SUN1: variants seen among roughly 807,000 people sequenced by gnomAD.
The protein encoded by SUN1 is SUN domain-containing protein 1.
SUN1 carries 61 observed loss-of-function variants against 103.2 expected under a neutral mutation model. The ratio of observed to expected loss-of-function variants is 0.59; its 90% confidence interval spans 0.48 to 0.73. The LOEUF (loss-of-function observed/expected upper bound fraction) is 0.73, where lower values mean the gene tolerates loss of function less well. Ranked by LOEUF, SUN1 falls within the 30% of genes least tolerant of loss-of-function variation. SUN1 has a pLI of 0.00. For missense variants in SUN1, 1,052 were observed against 1,034.6 expected (o/e 1.02, Z -0.23); for synonymous variants, 490 against 425.7 (o/e 1.15, Z -1.86).
exon 1 of SUN1, chr7:816,671 C>T (rs1006464649): frequency 1.8e-5 from 4 of 226,028 alleles, no homozygotes; most frequent in Admixed American, 5.8e-5. Flanking sequence ...CGGCGCGAGG[C>T]AGGTGAGCTC....
At chr7:834,802 G>A (rs1801400095) in intron 1 of SUN1, among the ~76,000 whole-genome samples, 1 of 152,150 alleles carries the variant, frequency 6.6e-6, no homozygotes, top group Non-Finnish European at 1.5e-5. Flanking sequence ...GGGGCCAGGC[G>A]CAGTGGCTCA....
At chr7:835,158 C>CCGG (rs1479385690) in intron 1 of SUN1, among the ~76,000 whole-genome samples, 31 of 152,354 alleles carry the variant, frequency 2.0e-4, no homozygotes, top group East Asian at 7.7e-4. Context: ...AGCCCATTTG[C>CCGG]CGGCCACTGG....
chr7:819,647 T>C (rs1389788500), intron 1 of SUN1, among the ~76,000 whole-genome samples: 1 of 151,936 alleles, frequency 6.6e-6, no homozygotes, highest in Non-Finnish European at 1.5e-5. Flanking sequence ...ATTAGATGTG[T>C]GGGTTTATTT....
In SUN1 at chr7:838,909, C is replaced by T. The variant is rs764562577; in HGVS notation, c.189C>T (p.Cys63=). 13 of 1,611,268 alleles carry T rather than the reference C, an allele frequency of 8.1e-6. No homozygotes were observed. Among genetic ancestry groups the T allele is most frequent in the Non-Finnish European group, 1.1e-5 (13 of 1,179,268 alleles). ...GTTTGCGCCTGGCCACGACAGCATG[C>T]ACCCTGGGGGATGGTGAGGCTGTGG... ...RRSLRLATTA[C]TLGDGEAVGA... is the part of the protein sequence containing the mutation. Residue 63 remains cysteine, a synonymous_variant, in exon 2 of 19, where the codon TGC becomes TGT. Coordinates refer to ENST00000401592, the MANE Select transcript of SUN1 (RefSeq NM_001130965.3).
chr7:858,390 CTTT>C (rs10714763), intron 13 of SUN1, among the ~76,000 whole-genome samples: 63 of 150,324 alleles, frequency 4.2e-4, no homozygotes, highest in East Asian at 1.6e-3. Context: ...CCTTTAAAAA[CTTT>C]TTTTTTTTTT....
At position 840,874 on chromosome 7, in the gene SUN1, C is replaced by G. The variant is rs146321018; in HGVS notation, c.267-1072C>G. 9.6e-4 allele frequency among the ~76,000 whole-genome samples: 146 copies of G among 152,082 alleles called. 3 individuals carry two copies. Among genetic ancestry groups the G allele is most frequent in the African/African-American group, 3.3e-3 (138 of 41,472 alleles). On this transcript the variant is annotated intron_variant, in intron 2 of 18. Coordinates refer to ENST00000401592, the MANE Select transcript of SUN1 (RefSeq NM_001130965.3). The stretch of plus-strand genomic sequence containing the variant: ...GCCAGGATGGTCCCGATCTCCTGAC[C>G]TCGTGATCCACCTGTCTTGGTCTCC...
At chr7:849,258 A>G (rs1284975429) in intron 5 of SUN1, among the ~76,000 whole-genome samples, 1 of 152,222 alleles carries the variant, frequency 6.6e-6, no homozygotes, top group African/African-American at 2.4e-5. Context: ...CCAACCCAGA[A>G]CTATTTTAAG....
intron 14 of SUN1, among the ~76,000 whole-genome samples, chr7:860,694 A>T (rs1831483489): frequency 6.6e-6 from 1 of 152,190 alleles, no homozygotes; most frequent in South Asian, 2.1e-4. Context: ...CTGCAGTTCC[A>T]TGAAAGTCTC....
In SUN1 at chr7:852,943, G is replaced by T; in HGVS notation, c.1044G>T (p.Gln348His). The change falls in exon 9 of 19, where the codon CAG becomes CAT. Residue 348 changes from glutamine to histidine, a missense_variant. Physicochemically the swap from Gln to His is conservative, Grantham distance 24 (BLOSUM62 0). Coordinates refer to ENST00000401592, the MANE Select transcript of SUN1 (RefSeq NM_001130965.3). The stretch of plus-strand genomic sequence containing the variant: ...AACCCACGACTTCTCGCCTGAAGCA[G>T]CCTCTGCAGGTAAGAGGGTAGAAAG... ...VFKPTTSRLK[Q>H]PLQGDSEAFP... 1.2e-6 allele frequency: 2 copies of T among 1,612,612 alleles called. No individual in the cohort carries two copies. Among genetic ancestry groups the T allele is most frequent in the Non-Finnish European group, 1.7e-6 (2 of 1,179,498 alleles).
chr7:835,700 G>C (rs1204631104), intron 1 of SUN1, among the ~76,000 whole-genome samples: 2 of 152,314 alleles, frequency 1.3e-5, no homozygotes, highest in African/African-American at 2.4e-5. Context: ...GCTGTCTGAC[G>C]TGTCTCCTCT....
At position 857,831 on chromosome 7, in the gene SUN1, G is replaced by C. The variant is rs752157539; in HGVS notation, c.1398G>C (p.Ala466=). ...CATTCTCACTGTTGGATTCCAGTGCGGTTGGTGAGCAGCTCCTGCCCACAG... is the reference window on the plus strand; with the variant it reads ...CATTCTCACTGTTGGATTCCAGTGCCGTTGGTGAGCAGCTCCTGCCCACAG... ...LEQTKQKTIS[A]VGEQLLPTVE... The change falls in exon 13 of 19, where the codon GCG becomes GCC. Residue 466 remains alanine (A), a synonymous_variant. Transcript: ENST00000401592. 1 of 1,578,946 alleles carries C rather than the reference G, an allele frequency of 6.3e-7. No homozygotes were observed. The highest frequency in any genetic ancestry group is 1.1e-5 in the South Asian group (1 of 88,226).
intron 13 of SUN1, 41 bp from the exon 14 acceptor site, chr7:860,087 A>G: frequency 6.2e-7 from 1 of 1,605,550 alleles, no homozygotes; most frequent in Non-Finnish European, 8.5e-7. Flanking sequence ...GAAGTGATTT[A>G]GTTAAAATAG....
rs912678292 is a variant in SUN1, at chr7:842,072, G to C, written c.393G>C (p.Arg131=). The change falls in exon 3 of 19, where the codon CGG becomes CGC. Residue 131 remains arginine (R), a synonymous_variant. Coordinates refer to ENST00000401592, the MANE Select transcript of SUN1 (RefSeq NM_001130965.3). The part of the protein sequence containing the change: ...TVSLQDAVTR[R]PPVLDESWIR... ...GCCTGCAGGATGCTGTGACTCGACG[G>C]CCTCCTGTATTGGACGAGTCTTGGA... is the stretch of plus-strand genomic sequence containing the variant. The C allele has an allele frequency of 1.9e-6, 3 of 1,614,242 alleles. No individual in the cohort carries two copies. Among genetic ancestry groups the C allele is most frequent in the Non-Finnish European group, 2.5e-6 (3 of 1,180,042 alleles).
At chr7:864,276 A>AGT (rs1834512980) in intron 15 of SUN1, among the ~76,000 whole-genome samples, 1 of 152,090 alleles carries the variant, frequency 6.6e-6, no homozygotes, top group African/African-American at 2.4e-5. Context: ...GGCCAGGTGT[A>AGT]GTGGCTCATG....
chr7:850,344 G>A (rs1584818365), intron 5 of SUN1: 3 of 331,628 alleles, frequency 9.0e-6, no homozygotes, highest in South Asian at 3.3e-5. Flanking sequence ...GACTACAGGC[G>A]CACACCACCA....
At chr7:834,814 G>C (rs1379303670) in intron 1 of SUN1, among the ~76,000 whole-genome samples, 1 of 152,108 alleles carries the variant, frequency 6.6e-6, no homozygotes, top group African/African-American at 2.4e-5. Flanking sequence ...AGTGGCTCAC[G>C]CCTGTAATCC....
At chr7:838,389 G>A (rs1805626341) in intron 1 of SUN1, among the ~76,000 whole-genome samples, 1 of 152,218 alleles carries the variant, frequency 6.6e-6, no homozygotes, top group African/African-American at 2.4e-5. Flanking sequence ...CTCCTGCGTG[G>A]ATTCATTCTA....
At chr7:861,151 G>A (rs1407802420) in intron 14 of SUN1, among the ~76,000 whole-genome samples, 1 of 152,222 alleles carries the variant, frequency 6.6e-6, no homozygotes, top group East Asian at 1.9e-4. Flanking sequence ...GGCCATGGCT[G>A]AGACCTGGGG....
At position 869,387 on chromosome 7, in the gene SUN1, C is replaced by G; in HGVS notation, c.2019C>G (p.Gly673=). Residue 673 remains glycine, a synonymous_variant, in exon 17 of 19, where the codon GGC becomes GGG. Coordinates refer to ENST00000401592, the MANE Select transcript of SUN1 (RefSeq NM_001130965.3). The stretch of plus-strand genomic sequence containing the variant: ...CCGGTAACTGCTGGGCATTTAAAGG[C>G]TCCCAGGGGTACCTGGTGGTGAGGC... The part of the protein sequence containing the change: ...IYPGNCWAFK[G]SQGYLVVRLS... 6.2e-7 allele frequency: 1 copy of G among 1,613,882 alleles called. No individual in the cohort carries two copies. The highest frequency in any genetic ancestry group is 1.1e-5 in the South Asian group (1 of 91,076).
Sources: gnomAD v4.1 joint callset for allele counts (sites outside exome capture counted in the v4.1 genomes callset) on GRCh38, gnomAD v4.1.1 for gene constraint, MANE v1.5 for transcripts, NCBI Gene and HGNC (gene_info 2026-07-23, HGNC 2026-07-21) for gene names.